GALNT3: variants seen among roughly 807,000 people sequenced by gnomAD.
The protein encoded by GALNT3 is polypeptide N-acetylgalactosaminyltransferase 3, also known as GalNAc transferase 3.
Under a neutral mutation model 69.8 loss-of-function variants are expected in GALNT3, and 51 were observed. The observed-to-expected ratio is 0.73, with a 90% CI of 0.58 to 0.92. The LOEUF (loss-of-function observed/expected upper bound fraction) is 0.92, where lower values mean the gene tolerates loss of function less well. Among genes scored for constraint, GALNT3 ranks in the 40% least tolerant of loss-of-function variants. GALNT3 has a pLI of 0.00. For synonymous variants in GALNT3, 265 were observed against 248.5 expected (o/e 1.07, Z -0.63); for missense variants, 711 against 760.0 (o/e 0.94, Z 0.76).
At chr2:165,781,605 A>G (rs1285127080) in intron 1 of GALNT3, among the ~76,000 whole-genome samples, 1 of 138,654 alleles carries the variant, frequency 7.2e-6, no homozygotes, top group African/African-American at 2.7e-5. Flanking sequence ...CTCAAAAAAG[A>G]AAAAAAAAAA....
chr2:165,781,351 C>T (rs181274142), intron 1 of GALNT3, among the ~76,000 whole-genome samples: 5 of 152,188 alleles, frequency 3.3e-5, no homozygotes, highest in African/African-American at 1.2e-4. Context: ...CCTGTAATTA[C>T]AGCACTACTG....
chr2:165,753,402 C>CTT (rs533037956), intron 9 of GALNT3, among the ~76,000 whole-genome samples: 8 of 145,218 alleles, frequency 5.5e-5, no homozygotes, highest in Non-Finnish European at 1.1e-4. Context: ...CTCCTACCTA[C>CTT]TTTTTTTTTT....
chr2:165,777,001 A>G (rs1021119675), intron 1 of GALNT3, among the ~76,000 whole-genome samples: 2 of 152,224 alleles, frequency 1.3e-5, no homozygotes, highest in African/African-American at 4.8e-5. Context: ...CAGAAATATT[A>G]GTTGTTCATT....
chr2:165,777,574 G>C (rs1218754638), intron 1 of GALNT3, among the ~76,000 whole-genome samples: 1 of 152,144 alleles, frequency 6.6e-6, no homozygotes. Context: ...TGCATTTATT[G>C]GTGGGTCAAA....
rs9677733 is a variant in GALNT3 at position 165,771,005 on chromosome 2, G to A, written c.-108-197C>T. Among the ~76,000 whole-genome samples, 481 of 151,860 alleles carry A rather than the reference G, an allele frequency of 3.2e-3. 4 individuals carry two copies. The highest frequency in any genetic ancestry group is 0.011 in the African/African-American group (467 of 41,418). On this transcript the variant is annotated intron_variant, in intron 1 of 10. Coordinates refer to ENST00000392701, the MANE Select transcript of GALNT3 (RefSeq NM_004482.4). ...GTTACAATTTACTACAATTTATTGG[G>A]GTTGCAAAAATATTGATATTCCTCT... is the stretch of plus-strand genomic sequence containing the variant.
chr2:165,757,031 C>T lies in GALNT3; in HGVS notation c.1392+16G>A, dbSNP rs753440832. 1 of 1,588,254 alleles carries T rather than the reference C, an allele frequency of 6.3e-7. No homozygotes were observed. Among genetic ancestry groups the T allele is most frequent in the South Asian group, 1.1e-5 (1 of 90,388 alleles). ...TATAGATTTTATTGCAATTTAACTA[C>T]TTAGCTTTAACTTACTTGTTTAACA... On this transcript the variant is annotated intron_variant, in intron 7 of 10. Coordinates refer to ENST00000392701, the MANE Select transcript of GALNT3 (RefSeq NM_004482.4).
chr2:165,765,122 A>G (rs536651686), intron 2 of GALNT3, 66 bp from the exon 3 acceptor site: 10 of 1,262,860 alleles, frequency 7.9e-6, no homozygotes, highest in Non-Finnish European at 1.1e-5. Context: ...CAGCTATACC[A>G]TTGCTAACAT....
intron 1 of GALNT3, among the ~76,000 whole-genome samples, chr2:165,792,350 A>G (rs1389182249): frequency 6.6e-6 from 1 of 152,238 alleles, no homozygotes; most frequent in African/African-American, 2.4e-5. Flanking sequence ...CTAGTAAGTA[A>G]TGAAGACTAA....
At chr2:165,775,236 C>T (rs1688826401) in intron 1 of GALNT3, among the ~76,000 whole-genome samples, 1 of 151,776 alleles carries the variant, frequency 6.6e-6, no homozygotes, top group South Asian at 2.1e-4. Flanking sequence ...GAACTGATAT[C>T]CTAAATAAAA....
intron 1 of GALNT3, among the ~76,000 whole-genome samples, chr2:165,773,200 T>C (rs1026361484): frequency 6.6e-6 from 1 of 152,156 alleles, no homozygotes; most frequent in Non-Finnish European, 1.5e-5. Context: ...CAGGGGCAGA[T>C]GGAGATAATG....
rs1304209964 is a variant in GALNT3 at position 165,762,026 on chromosome 2, A to G, written c.717T>C (p.Tyr239=). 3.8e-6 allele frequency: 6 copies of G among 1,585,130 alleles called. No individual in the cohort carries two copies. Among genetic ancestry groups the G allele is most frequent in the East Asian group, 4.5e-5 (2 of 44,696 alleles). Residue 239 remains tyrosine, a synonymous_variant, in exon 4 of 11, where the codon TAT becomes TAC. Transcript: ENST00000392701. ...TTTTTACTATAGAAAATTGTTTTAC[A>G]TATTCATCTAGTTTATCATGTAAGT... ...DEYLHDKLDE[Y]VKQFSIVKIV... is the part of the protein sequence containing the mutation.
Position 165,755,082 on chromosome 2 carries a change from T to C in GALNT3, c.1393-19A>G, listed in dbSNP as rs779872918. The C allele has an allele frequency of 7.5e-6, 12 of 1,602,468 alleles. No individual in the cohort carries two copies. In the East Asian group the frequency reaches 2.5e-4, roughly 33 times the overall value. Reference sequence around the variant, plus strand: ...ATGCTTTCTGTAGAAACATGAGAAATGAAGGGAATGCTTAATTAAAACAAC... The same window carrying C: ...ATGCTTTCTGTAGAAACATGAGAAACGAAGGGAATGCTTAATTAAAACAAC... On this transcript the variant is annotated intron_variant, in intron 7 of 10. Coordinates refer to ENST00000392701, the MANE Select transcript of GALNT3 (RefSeq NM_004482.4).
Position 165,759,513 on chromosome 2 carries a change from G to A in GALNT3, c.896C>T (p.Thr299Met), listed in dbSNP as rs150889917. Reference protein sequence around the residue: ...PLLARIAENYTAVVSPDIASI... With the variant: ...PLLARIAENYMAVVSPDIASI... ...TGCAATATCTGGACTTACGACAGCC[G>A]TGTAGTTCTCAGCTATTCTGGCCAA... Residue 299 changes from threonine (T) to methionine (M), a missense_variant, in exon 5 of 11, where the codon ACG becomes ATG. Coordinates refer to ENST00000392701, the MANE Select transcript of GALNT3 (RefSeq NM_004482.4). 4.3e-5 allele frequency: 70 copies of A among 1,613,852 alleles called. No homozygotes were observed. Among genetic ancestry groups the A allele is most frequent in the African/African-American group, 1.5e-4 (11 of 74,908 alleles).
chr2:165,777,692 G>A (rs1682992284), intron 1 of GALNT3, among the ~76,000 whole-genome samples: 1 of 152,162 alleles, frequency 6.6e-6, no homozygotes, highest in Non-Finnish European at 1.5e-5. Flanking sequence ...GTGGATGTAT[G>A]ACAAGAGACA....
At chr2:165,769,426 A>AATAATG (rs1688708870) in intron 2 of GALNT3, among the ~76,000 whole-genome samples, 1 of 140,618 alleles carries the variant, frequency 7.1e-6, no homozygotes, top group Non-Finnish European at 1.5e-5. Flanking sequence ...TAATAATAAT[A>AATAATG]ATAATAATAA....
intron 1 of GALNT3, chr2:165,771,338 C>G (rs1191322096): frequency 6.6e-6 from 1 of 152,144 alleles, no homozygotes; most frequent in Non-Finnish European, 1.5e-5. Flanking sequence ...CTATTATTCT[C>G]CCAGATTTTC....
rs1242226743 is a variant in GALNT3, at chr2:165,759,391, C to T, written c.1018G>A (p.Glu340Lys). Residue 340 changes from glutamate (E) to lysine (K), a missense_variant, in exon 5 of 11, where the codon GAG (glutamate) becomes AAG (lysine). By Grantham distance (56) the Glu-to-Lys change is moderately conservative. Coordinates refer to ENST00000392701, the MANE Select transcript of GALNT3 (RefSeq NM_004482.4). ...NFDWSLSFGW[E>K]SLPDHEKQRR... ...TGCTTCTCATGATCAGGAAGCGACT[C>T]CCAGCCAAATGAAAGACTCCAGTCA... 2 of 1,614,004 alleles carry T rather than the reference C, an allele frequency of 1.2e-6. No individual in the cohort carries two copies. The highest frequency in any genetic ancestry group is 1.1e-5 in the South Asian group (1 of 91,074).
chr2:165,767,902 T>G (rs989506514), intron 2 of GALNT3, among the ~76,000 whole-genome samples: 1 of 137,858 alleles, frequency 7.3e-6, no homozygotes, highest in Non-Finnish European at 1.5e-5. Flanking sequence ...TGAGACAGAG[T>G]CTTGCTCTGT....
intron 1 of GALNT3, among the ~76,000 whole-genome samples, chr2:165,774,728 C>T (rs1688814380): frequency 6.6e-6 from 1 of 152,026 alleles, no homozygotes; most frequent in Non-Finnish European, 1.5e-5. Context: ...ACATAGTAGG[C>T]ACCCAGAAAA....
Sources: gnomAD v4.1 joint callset for allele counts (sites outside exome capture counted in the v4.1 genomes callset) on GRCh38, gnomAD v4.1.1 for gene constraint, MANE v1.5 for transcripts, NCBI Gene and HGNC (gene_info 2026-07-23, HGNC 2026-07-21) for gene names.